ZBTB16: variants seen among roughly 807,000 people sequenced by gnomAD.
ZBTB16 encodes the protein zinc finger and BTB domain-containing protein 16.
Under a neutral mutation model 56.8 loss-of-function variants are expected in ZBTB16, and 8 were observed. That is an observed-to-expected ratio of 0.14 (90% CI 0.08 to 0.25). ZBTB16 has a LOEUF of 0.25. ZBTB16 is among the 10% of genes least tolerant of loss of function. The probability of loss-of-function intolerance (pLI) is 1.00; values close to 1 mark genes in which losing one functional copy is unlikely to be tolerated. For synonymous variants in ZBTB16, 363 were observed against 368.5 expected, an observed-to-expected ratio of 0.98 and a Z score of 0.17; for missense variants, 625 against 903.0, an observed-to-expected ratio of 0.69 and a Z score of 3.95.
At chr11:114,087,743 G>A (rs959050969) in intron 2 of ZBTB16, among the ~76,000 whole-genome samples, 2 of 152,156 alleles carry the variant, frequency 1.3e-5, no homozygotes, top group African/African-American at 2.4e-5. Flanking sequence ...GAGAAGAAAC[G>A]AGAGAATTCT....
At position 114,193,734 on chromosome 11, in the gene ZBTB16, C is replaced by T. The variant is rs184783236; in HGVS notation, c.1453+6696C>T. On this transcript the variant is annotated intron_variant, in intron 4 of 6. Coordinates refer to ENST00000335953, the MANE Select transcript of ZBTB16 (RefSeq NM_006006.6). ...AAAAGCCAGGTGGGAGACCAGGTAC[C>T]GTTGGGAAGCCAACGGGAGAGTAGG... 2.4e-3 allele frequency among the ~76,000 whole-genome samples: 363 copies of T among 152,124 alleles called. 1 individual carries two copies. Among genetic ancestry groups the T allele is most frequent in the African/African-American group, 8.5e-3 (352 of 41,454 alleles).
intron 2 of ZBTB16, among the ~76,000 whole-genome samples, chr11:114,099,014 A>C (rs1425133925): frequency 6.6e-6 from 1 of 152,216 alleles, no homozygotes; most frequent in Non-Finnish European, 1.5e-5. Context: ...TCAGTAAATT[A>C]CATATTAAAG....
intron 3 of ZBTB16, among the ~76,000 whole-genome samples, chr11:114,169,135 A>G (rs1028506236): frequency 1.3e-5 from 2 of 151,996 alleles, no homozygotes; most frequent in Non-Finnish European, 2.9e-5. Context: ...CTGCATGGCG[A>G]CGCAACTGGG....
At chr11:114,224,772 G>A (rs1944297563) in intron 4 of ZBTB16, among the ~76,000 whole-genome samples, 2 of 152,162 alleles carry the variant, frequency 1.3e-5, no homozygotes, top group African/African-American at 4.8e-5. Flanking sequence ...GTGGTGTCAT[G>A]GAAGCTAAAG....
chr11:114,097,780 A>G (rs1189188312), intron 2 of ZBTB16, among the ~76,000 whole-genome samples: 1 of 152,102 alleles, frequency 6.6e-6, no homozygotes, highest in African/African-American at 2.4e-5. Context: ...TGGCTCTGAG[A>G]CATTCTCTAG....
At chr11:114,062,696 C>T (rs1026732144) in intron 1 of ZBTB16, among the ~76,000 whole-genome samples, 1 of 152,214 alleles carries the variant, frequency 6.6e-6, no homozygotes, top group Non-Finnish European at 1.5e-5. Flanking sequence ...AGGCTCCTGG[C>T]CTCCAATGAG....
intron 3 of ZBTB16, among the ~76,000 whole-genome samples, chr11:114,180,090 A>G (rs1943211755): frequency 6.6e-6 from 1 of 152,178 alleles, no homozygotes; most frequent in Admixed American, 6.5e-5. Context: ...CGCCTCTGGC[A>G]TGTGCGTCCT....
intron 4 of ZBTB16, among the ~76,000 whole-genome samples, chr11:114,205,723 A>C (rs1001992374): frequency 6.6e-6 from 1 of 152,230 alleles, no homozygotes; most frequent in African/African-American, 2.4e-5. Flanking sequence ...CTTTTTCTGC[A>C]GGTAGAGATA....
intron 2 of ZBTB16, among the ~76,000 whole-genome samples, chr11:114,131,621 A>G: frequency 6.6e-6 from 1 of 152,150 alleles, no homozygotes; most frequent in East Asian, 1.9e-4. Flanking sequence ...CACTAGCTTT[A>G]AGTTGAGCTA....
At position 114,063,510 on chromosome 11, in the gene ZBTB16, T is replaced by C. The variant is rs1938967869; in HGVS notation, c.210T>C (p.Tyr70=). The change falls in exon 2 of 7, where the codon TAT becomes TAC. Residue 70 remains tyrosine (Y), a synonymous_variant. Coordinates refer to ENST00000335953, the MANE Select transcript of ZBTB16 (RefSeq NM_006006.6). The surrounding 1 kb of genome is among the most constrained non-coding windows in gnomAD (Gnocchi z 6.5). ...EILFHRNSQH[Y]TLDFLSPKTF... ...TCTTCCACCGCAATAGTCAACACTATACTTTGGACTTCCTCTCGCCAAAGA... is the reference window on the plus strand; with the variant it reads ...TCTTCCACCGCAATAGTCAACACTACACTTTGGACTTCCTCTCGCCAAAGA... 7 of 1,614,218 alleles carry C rather than the reference T, an allele frequency of 4.3e-6. No homozygotes were observed. The highest frequency in any genetic ancestry group is 5.9e-6 in the Non-Finnish European group (7 of 1,180,046).
chr11:114,236,955 C>A (rs1944605888), intron 4 of ZBTB16, among the ~76,000 whole-genome samples: 1 of 152,220 alleles, frequency 6.6e-6, no homozygotes, highest in South Asian at 2.1e-4. Flanking sequence ...TGTAACTCCT[C>A]AAAGATGCCT....
At chr11:114,245,963 C>T (rs7116460) in intron 5 of ZBTB16, among the ~76,000 whole-genome samples, 27,551 of 152,028 alleles carry the variant, frequency 0.18, 3,088 homozygotes, top group African/African-American at 0.31. Flanking sequence ...TTATTGTCTG[C>T]GCCTTCACTC....
intron 4 of ZBTB16, among the ~76,000 whole-genome samples, chr11:114,220,283 G>A (rs1404300110): frequency 6.6e-6 from 1 of 152,230 alleles, no homozygotes; most frequent in East Asian, 1.9e-4. Flanking sequence ...TAATGACATA[G>A]CCCAGGCCCC....
At chr11:114,173,640 G>C (rs1287847620) in intron 3 of ZBTB16, among the ~76,000 whole-genome samples, 2 of 152,228 alleles carry the variant, frequency 1.3e-5, no homozygotes, top group African/African-American at 4.8e-5. Context: ...GTGAGTAAAG[G>C]GCAGACTATA....
rs189376652 is a variant in ZBTB16, at chr11:114,146,281, C to T, written c.1269-10056C>T. ...TTAGATGGAGAAAATCCCAGGAATGCTCTCGGTGACTCCTTTTTAGCTGCT... is the reference window on the plus strand; with the variant it reads ...TTAGATGGAGAAAATCCCAGGAATGTTCTCGGTGACTCCTTTTTAGCTGCT... On this transcript the variant is annotated intron_variant, in intron 2 of 6. Coordinates refer to ENST00000335953, the MANE Select transcript of ZBTB16 (RefSeq NM_006006.6). Among the ~76,000 whole-genome samples the T allele has an allele frequency of 1.6e-4, 24 of 152,224 alleles. No individual in the cohort carries two copies. In the East Asian group the frequency reaches 4.6e-3, roughly 29 times the overall value.
chr11:114,089,607 C>T (rs1940108321), intron 2 of ZBTB16, among the ~76,000 whole-genome samples: 1 of 152,238 alleles, frequency 6.6e-6, no homozygotes, highest in Non-Finnish European at 1.5e-5. Context: ...ATCCTCCTCT[C>T]TCCAGCCTGG....
chr11:114,072,500 G>T (rs1181145822), intron 2 of ZBTB16, among the ~76,000 whole-genome samples: 2 of 152,218 alleles, frequency 1.3e-5, no homozygotes, highest in African/African-American at 4.8e-5. Flanking sequence ...CCTTACTGAT[G>T]GGGGTCCTGG....
intron 4 of ZBTB16, chr11:114,209,430 C>CCGGG (rs1943953006): frequency 1.0e-6 from 1 of 985,342 alleles, no homozygotes; most frequent in Non-Finnish European, 1.2e-6. Context: ...AAACAGGAGA[C>CCGGG]CCCGGTGCCT....
intron 2 of ZBTB16, among the ~76,000 whole-genome samples, chr11:114,093,366 A>G (rs1940263409): frequency 6.6e-6 from 1 of 151,858 alleles, no homozygotes. Flanking sequence ...TTTCCCTGCT[A>G]CAGAAAGGCC....
Sources: gnomAD v4.1 joint callset for allele counts (sites outside exome capture counted in the v4.1 genomes callset) on GRCh38, gnomAD v4.1.1 for gene constraint, Gnocchi (gnomAD v3.1) non-coding constraint, MANE v1.5 for transcripts, NCBI Gene and HGNC (gene_info 2026-07-23, HGNC 2026-07-21) for gene names.